The following GLDC variants were observed in gnomAD, a reference collection of about 807,000 sequenced individuals.
GLDC encodes the protein glycine decarboxylase, also known as glycine dehydrogenase (decarboxylating), mitochondrial.
In GLDC, 104 loss-of-function variants were observed where a neutral mutation model predicts 121.3. The ratio of observed to expected loss-of-function variants is 0.86; its 90% confidence interval spans 0.73 to 1.01. GLDC has a LOEUF of 1.01. Among genes scored for constraint, GLDC ranks in the 50% least tolerant of loss-of-function variants. The pLI is 0.00. For missense variants in GLDC, 1,429 were observed against 1,306.6 expected (o/e 1.09, Z -1.44); for synonymous variants, 546 against 480.6 (o/e 1.14, Z -1.78).
chr9:6,603,001 G>A (rs1410005656), intron 7 of GLDC, among the ~76,000 whole-genome samples: 2 of 152,078 alleles, frequency 1.3e-5, no homozygotes, highest in African/African-American at 2.4e-5. Context: ...GCCAAGGTGG[G>A]CGGATCACCT....
At chr9:6,612,193 TCTCA>T (rs1818871163) in intron 3 of GLDC, among the ~76,000 whole-genome samples, 3 of 139,468 alleles carry the variant, frequency 2.2e-5, no homozygotes, top group African/African-American at 8.8e-5. Flanking sequence ...ACACTCACTC[TCTCA>T]CACACACACA....
chr9:6,597,678 T>C (rs915193107), intron 8 of GLDC, among the ~76,000 whole-genome samples: 20 of 151,884 alleles, frequency 1.3e-4, no homozygotes, highest in African/African-American at 4.6e-4. Context: ...GGCTAACGCC[T>C]GTAATCCCAG....
chr9:6,554,292 T>A (rs1210306911), intron 19 of GLDC, among the ~76,000 whole-genome samples: 2 of 152,106 alleles, frequency 1.3e-5, no homozygotes, highest in East Asian at 3.9e-4. Context: ...AACCATTAGC[T>A]GATTTTAAAA....
chr9:6,545,477 G>A lies in GLDC; in HGVS notation c.2569+5326C>T, dbSNP rs147156394. Among the ~76,000 whole-genome samples, 579 of 152,206 alleles carry A rather than the reference G, an allele frequency of 3.8e-3. 4 individuals are homozygous for A. Among genetic ancestry groups the A allele is most frequent in the African/African-American group, 0.013 (559 of 41,526 alleles). ...ACTTACCATGAATGGAGCTTGCAGG[G>A]CTGAAGTTGCTCTGGATGAGTCAGT... On this transcript the variant is annotated intron_variant, in intron 21 of 24. Coordinates refer to ENST00000321612, the MANE Select transcript of GLDC (RefSeq NM_000170.3).
intron 15 of GLDC, among the ~76,000 whole-genome samples, chr9:6,577,329 T>C (rs1183532577): frequency 6.6e-6 from 1 of 152,230 alleles, no homozygotes; most frequent in Non-Finnish European, 1.5e-5. Flanking sequence ...CCTCACTGTA[T>C]TTATTAGGAT....
At chr9:6,640,711 T>A (rs1487478449) in intron 2 of GLDC, among the ~76,000 whole-genome samples, 1 of 152,218 alleles carries the variant, frequency 6.6e-6, no homozygotes, top group Non-Finnish European at 1.5e-5. Flanking sequence ...TATGATTAGT[T>A]CAGTCTAGTT....
At chr9:6,576,071 T>C (rs868039373) in intron 15 of GLDC, among the ~76,000 whole-genome samples, 30 of 152,336 alleles carry the variant, frequency 2.0e-4, no homozygotes, top group African/African-American at 5.8e-4. Context: ...CCTAAGGAAC[T>C]AGGCAGACCA....
In GLDC at chr9:6,532,504, G is replaced by C. The variant is rs541142490; in HGVS notation, c.*513C>G. On this transcript the variant is annotated 3_prime_UTR_variant, in exon 25 of 25. Transcript: ENST00000321612. ...TGCTTTTATTAGAATACTAATAAATGCAGATTAAAAAAAAAAAAACCTCAC... is the reference window on the plus strand; with the variant it reads ...TGCTTTTATTAGAATACTAATAAATCCAGATTAAAAAAAAAAAAACCTCAC... The C allele has an allele frequency of 6.0e-5, 9 of 149,522 alleles. No homozygotes were observed. The highest frequency in any genetic ancestry group is 2.6e-4 in the Admixed American group (4 of 15,476). 9.3% of individuals were successfully genotyped at this position (149,522 alleles called of 1,614,324 possible).
intron 3 of GLDC, among the ~76,000 whole-genome samples, chr9:6,617,590 A>G (rs1045083412): frequency 2.0e-5 from 3 of 152,196 alleles, no homozygotes; most frequent in Non-Finnish European, 2.9e-5. Context: ...GCATTCACAG[A>G]CGCTACAGAG....
chr9:6,581,610 A>C (rs532995374), intron 15 of GLDC, among the ~76,000 whole-genome samples: 1 of 152,342 alleles, frequency 6.6e-6, no homozygotes, highest in East Asian at 1.9e-4. Context: ...TGTCGCTCTC[A>C]TGGGTCAGGT....
At chr9:6,610,414 A>C (rs1004803714) in intron 3 of GLDC, 58 bp from the exon 4 acceptor site, 6 of 1,552,776 alleles carry the variant, frequency 3.9e-6, no homozygotes, top group Non-Finnish European at 5.3e-6. Flanking sequence ...AAGCACACAA[A>C]ATGCTATCAT....
intron 15 of GLDC, among the ~76,000 whole-genome samples, chr9:6,568,641 A>G (rs944965658): frequency 6.6e-6 from 1 of 152,130 alleles, no homozygotes; most frequent in Non-Finnish European, 1.5e-5. Context: ...TGAGATCAGG[A>G]GTTCGAGACC....
At chr9:6,635,320 T>C (rs997692518) in intron 2 of GLDC, among the ~76,000 whole-genome samples, 2 of 152,190 alleles carry the variant, frequency 1.3e-5, no homozygotes, top group African/African-American at 4.8e-5. Flanking sequence ...TTGGCAATAG[T>C]ACCTTAATAA....
At position 6,558,376 on chromosome 9, in the gene GLDC, T is replaced by C. The variant is rs1049057294; in HGVS notation, c.2052+183A>G. ...ATTCAGTTTTTTACACAAGCTGGAA[T>C]TAGAAAACGGGGATTTCTCCCTGTT... is the stretch of plus-strand genomic sequence containing the variant. On this transcript the variant is annotated intron_variant, in intron 17 of 24. Coordinates refer to ENST00000321612, the MANE Select transcript of GLDC (RefSeq NM_000170.3). 16 of 739,748 alleles carry C rather than the reference T, an allele frequency of 2.2e-5. No individual in the cohort carries two copies. The African/African-American group carries it at 2.6e-4, about 12-fold the overall frequency. The allele number at this position is 739,748 out of a possible 1,614,324, so 45.8% of individuals were successfully genotyped here. A position where few individuals can be genotyped will look rare whatever the true frequency, so the allele number is the denominator to read the frequency against.
At chr9:6,564,216 C>T (rs1385873128) in intron 16 of GLDC, among the ~76,000 whole-genome samples, 3 of 151,416 alleles carry the variant, frequency 2.0e-5, no homozygotes, top group African/African-American at 4.9e-5. Flanking sequence ...CCATTGCACT[C>T]CAGCCTGGGG....
At chr9:6,558,116 T>G in intron 17 of GLDC, 4 of 242,734 alleles carry the variant, frequency 1.6e-5, no homozygotes, top group African/African-American at 2.2e-5. Flanking sequence ...AGGTTGAGAG[T>G]GGGGGTTGGT....
chr9:6,580,267 A>G (rs1818148088), intron 15 of GLDC, among the ~76,000 whole-genome samples: 1 of 152,146 alleles, frequency 6.6e-6, no homozygotes, highest in Non-Finnish European at 1.5e-5. Flanking sequence ...ACCAGCCCAC[A>G]CTGGGCCTGT....
intron 2 of GLDC, among the ~76,000 whole-genome samples, chr9:6,642,038 A>G (rs560591625): frequency 6.6e-6 from 1 of 152,282 alleles, no homozygotes; most frequent in East Asian, 1.9e-4. Context: ...CACACCTCAG[A>G]GTCAAAATTC....
chr9:6,551,844 C>G (rs569634739), intron 20 of GLDC, among the ~76,000 whole-genome samples: 1 of 152,236 alleles, frequency 6.6e-6, no homozygotes, highest in Admixed American at 6.5e-5. Context: ...CATTTTTAAG[C>G]CCAAAACTTC....
Sources: allele counts gnomAD v4.1 joint callset (sites outside exome capture counted in the v4.1 genomes callset), GRCh38; gene constraint gnomAD v4.1.1; transcripts MANE v1.5; gene names NCBI Gene and HGNC (gene_info 2026-07-23, HGNC 2026-07-21).